NDUFAF6: variants seen among roughly 807,000 people sequenced by gnomAD.
NDUFAF6 encodes NADH dehydrogenase (ubiquinone) complex I, assembly factor 6.
A neutral mutation model predicts 40.8 loss-of-function variants in NDUFAF6; 45 were observed. The observed-to-expected ratio is 1.10, with a 90% CI of 0.87 to 1.42. NDUFAF6 has a LOEUF of 1.42. NDUFAF6 is among the 40% of genes most tolerant of loss of function. The pLI is 0.00. For synonymous variants in NDUFAF6, 185 were observed against 155.9 expected (o/e 1.19, Z -1.39); for missense variants, 435 against 418.5 (o/e 1.04, Z -0.34).
intron 1 of NDUFAF6, among the ~76,000 whole-genome samples, chr8:94,980,028 C>T (rs143148666): frequency 0.013 from 2,003 of 151,132 alleles, 23 homozygotes; most frequent in South Asian, 0.022. Flanking sequence ...ACTAGGAAGG[C>T]GGAGGTTACA....
intron 2 of NDUFAF6, among the ~76,000 whole-genome samples, chr8:95,082,003 G>T (rs1808885184): frequency 6.6e-6 from 1 of 152,202 alleles, no homozygotes; most frequent in Non-Finnish European, 1.5e-5. Context: ...GGCGGAGCTT[G>T]CAGTGAGCCG....
intron 1 of NDUFAF6, among the ~76,000 whole-genome samples, chr8:95,029,636 C>G (rs188641867): frequency 6.6e-6 from 1 of 152,346 alleles, no homozygotes; most frequent in Admixed American, 6.5e-5. Flanking sequence ...CTAGTCTTCT[C>G]CAATCTGGAA....
chr8:95,024,773 G>C (rs1169913741), upstream of NDUFAF6, among the ~76,000 whole-genome samples: 1 of 152,214 alleles, frequency 6.6e-6, no homozygotes, highest in Non-Finnish European at 1.5e-5. Context: ...GGGGGAAGGG[G>C]AAGAGCCCAG....
At chr8:94,948,897 G>GCGC (rs1290537474) in intron 2 of NDUFAF6, among the ~76,000 whole-genome samples, 5 of 151,224 alleles carry the variant, frequency 3.3e-5, no homozygotes, top group Non-Finnish European at 7.4e-5. Flanking sequence ...GCCCTTGTCC[G>GCGC]CGCCGCCGCC....
intron 1 of NDUFAF6, chr8:94,929,171 C>T (rs534377496): frequency 1.4e-3 from 219 of 152,686 alleles, no homozygotes; most frequent in South Asian, 6.2e-3. Flanking sequence ...GAAAGTGCCA[C>T]GGCCCCACCC....
At chr8:95,107,052 C>T (rs1000005275), downstream of NDUFAF6, among the ~76,000 whole-genome samples, 1 of 152,200 alleles carries the variant, frequency 6.6e-6, no homozygotes, top group Non-Finnish European at 1.5e-5. Context: ...TAAATTAGTT[C>T]AATCATTGTG....
intron 2 of NDUFAF6, among the ~76,000 whole-genome samples, chr8:94,990,619 T>C (rs1418033726): frequency 6.6e-6 from 1 of 152,176 alleles, no homozygotes; most frequent in African/African-American, 2.4e-5. Context: ...GAAACGTGGT[T>C]GAAGAACTGA....
chr8:95,017,427 C>G (rs1449967038), intron 2 of NDUFAF6, among the ~76,000 whole-genome samples: 2 of 152,060 alleles, frequency 1.3e-5, no homozygotes, highest in African/African-American at 4.8e-5. Context: ...CTATATGAAC[C>G]CAACTAGAAG....
At chr8:95,022,822 C>T (rs1407241587), upstream of NDUFAF6, among the ~76,000 whole-genome samples, 1 of 151,930 alleles carries the variant, frequency 6.6e-6, no homozygotes, top group Non-Finnish European at 1.5e-5. Context: ...AAACTAAAAC[C>T]TAACTGAGGA....
chr8:95,062,919 T>C (rs759010287), downstream of NDUFAF6, among the ~76,000 whole-genome samples: 1 of 152,184 alleles, frequency 6.6e-6, no homozygotes, highest in East Asian at 1.9e-4. Context: ...CTGTCTGATG[T>C]GTGAAGTACA....
At chr8:95,116,033 G>A (rs1316422104) in intron 5 of NDUFAF6, among the ~76,000 whole-genome samples, 2 of 152,072 alleles carry the variant, frequency 1.3e-5, no homozygotes, top group Non-Finnish European at 2.9e-5. Context: ...AGCTATTCGG[G>A]AGGCTGAGGC....
downstream of NDUFAF6, among the ~76,000 whole-genome samples, chr8:95,117,275 T>C (rs180806677): frequency 9.3e-4 from 142 of 152,290 alleles, no homozygotes; most frequent in African/African-American, 3.4e-3. Flanking sequence ...ACACTCTCTA[T>C]TGAGTGTACT....
At chr8:94,953,319 C>T (rs1472794466), upstream of NDUFAF6, among the ~76,000 whole-genome samples, 1 of 150,896 alleles carries the variant, frequency 6.6e-6, no homozygotes, top group Non-Finnish European at 1.5e-5. Flanking sequence ...GCACTCCAGC[C>T]TGGGCAACAA....
At chr8:94,951,473 ACT>A (rs1822611640) in intron 2 of NDUFAF6, 1 of 152,218 alleles carries the variant, frequency 6.6e-6, no homozygotes, top group Admixed American at 6.5e-5. Context: ...CAGATCAGTG[ACT>A]CTAAACTCTA....
At chr8:94,899,878 A>C (rs1444231452) in intron 1 of NDUFAF6, among the ~76,000 whole-genome samples, 2 of 152,078 alleles carry the variant, frequency 1.3e-5, no homozygotes, top group African/African-American at 4.8e-5. Context: ...TTAACAGTCA[A>C]ACCCCAAAAC....
intron 1 of NDUFAF6, among the ~76,000 whole-genome samples, chr8:94,944,930 T>G (rs1052392551): frequency 3.9e-5 from 6 of 152,210 alleles, no homozygotes; most frequent in Admixed American, 6.5e-5. Context: ...TTGGCCCTGC[T>G]TTCTGCAGGT....
At chr8:94,941,111 G>C in intron 1 of NDUFAF6, 1 of 586,212 alleles carries the variant, frequency 1.7e-6, no homozygotes, top group Non-Finnish European at 3.0e-6. Context: ...AACAGAAAAA[G>C]GAAGTTATTT....
downstream of NDUFAF6, among the ~76,000 whole-genome samples, chr8:95,062,804 A>T (rs2132016699): frequency 6.6e-6 from 1 of 152,334 alleles, no homozygotes; most frequent in Middle Eastern, 3.4e-3. Context: ...GTATACCCAG[A>T]ACCTAAAGTA....
At chr8:94,956,679 G>A (rs976675873), upstream of NDUFAF6, among the ~76,000 whole-genome samples, 1 of 152,214 alleles carries the variant, frequency 6.6e-6, no homozygotes, top group Non-Finnish European at 1.5e-5. Context: ...GAAATAAGAT[G>A]CAGTGATTCA....
Sources: gnomAD v4.1 joint callset for allele counts (sites outside exome capture counted in the v4.1 genomes callset) on GRCh38, gnomAD v4.1.1 for gene constraint, MANE v1.5 for transcripts, NCBI Gene and HGNC (gene_info 2026-07-23, HGNC 2026-07-21) for gene names.